Variants in ANO10 observed in about 807,000 individuals in gnomAD.
The protein encoded by ANO10 is anoctamin 10, also known as anoctamin-10.
ANO10 carries 77 observed loss-of-function variants against 74.7 expected under a neutral mutation model. The observed-to-expected ratio is 1.03, with a 90% CI of 0.86 to 1.25. The LOEUF (loss-of-function observed/expected upper bound fraction) is 1.25. ANO10 is among the 50% of genes most tolerant of loss of function. ANO10 has a pLI of 0.00. For synonymous variants in ANO10, 279 were observed against 284.9 expected, an observed-to-expected ratio of 0.98 and a Z score of 0.21; for missense variants, 721 against 778.1, an observed-to-expected ratio of 0.93 and a Z score of 0.87.
chr3:43,572,075 A>C (rs2080758114), intron 7 of ANO10, among the ~76,000 whole-genome samples: 1 of 152,196 alleles, frequency 6.6e-6, no homozygotes, highest in Admixed American at 6.5e-5. Context: ...GCACACCTTA[A>C]GTTCCCCCAC....
intron 11 of ANO10, among the ~76,000 whole-genome samples, chr3:43,508,943 T>TAAAAAAAAAAAAAAAAAAAAAAAAAA (rs35265220): frequency 9.5e-6 from 1 of 104,720 alleles, no homozygotes; most frequent in Non-Finnish European, 2.0e-5. Context: ...TAAAGTATAA[T>TAAAAAAAAAAAAAAAAAAAAAAAAAA]AAAAAAAAAA....
chr3:43,564,622 T>C (rs1414485669), intron 8 of ANO10, among the ~76,000 whole-genome samples: 1 of 152,198 alleles, frequency 6.6e-6, no homozygotes, highest in African/African-American at 2.4e-5. Context: ...TACACTGCTG[T>C]TGAATTAACT....
At chr3:43,578,749 CAAAAAAAAAAAAAAAAAA>C (rs56186109) in intron 5 of ANO10, among the ~76,000 whole-genome samples, 1 of 64,446 alleles carries the variant, frequency 1.6e-5, no homozygotes, top group Non-Finnish European at 3.0e-5. Context: ...GACTCCATCT[CAAAAAAAAAAAAAAAAAA>C]AAAAAAAAAA....
chr3:43,645,848 C>T (rs1015155075), intron 1 of ANO10, among the ~76,000 whole-genome samples: 2 of 152,084 alleles, frequency 1.3e-5, no homozygotes, highest in African/African-American at 4.8e-5. Context: ...GGGTCTGTCA[C>T]CCAGGTTGGA....
chr3:43,563,316 T>A (rs1465719499), intron 8 of ANO10, among the ~76,000 whole-genome samples: 1 of 151,398 alleles, frequency 6.6e-6, no homozygotes, highest in Admixed American at 6.6e-5. Context: ...ACCCAAAAAA[T>A]CCAGATGCTG....
At chr3:43,588,195 C>G (rs1395623770) in intron 4 of ANO10, among the ~76,000 whole-genome samples, 1 of 152,022 alleles carries the variant, frequency 6.6e-6, no homozygotes, top group African/African-American at 2.4e-5. Context: ...AATTAGCATG[C>G]CTTACAAGCT....
intron 11 of ANO10, among the ~76,000 whole-genome samples, chr3:43,516,349 C>A (rs1017310503): frequency 2.0e-5 from 3 of 151,986 alleles, no homozygotes; most frequent in African/African-American, 7.2e-5. Context: ...AAATTCCAGG[C>A]CAAAGAAAAC....
At chr3:43,513,039 C>T (rs1047936052) in intron 11 of ANO10, among the ~76,000 whole-genome samples, 3 of 152,220 alleles carry the variant, frequency 2.0e-5, no homozygotes, top group Non-Finnish European at 2.9e-5. Flanking sequence ...GAAGACAGAG[C>T]TGCAGAGCAA....
intron 11 of ANO10, among the ~76,000 whole-genome samples, chr3:43,478,395 T>C (rs1373150246): frequency 3.3e-5 from 5 of 152,226 alleles, no homozygotes; most frequent in African/African-American, 9.7e-5. Flanking sequence ...AAGTAGGGAC[T>C]TTAACCACCC....
intron 11 of ANO10, among the ~76,000 whole-genome samples, chr3:43,500,460 C>T (rs2077059805): frequency 6.6e-6 from 1 of 152,130 alleles, no homozygotes. Flanking sequence ...TTGCTGTTGC[C>T]AAATCACACT....
intron 1 of ANO10, among the ~76,000 whole-genome samples, chr3:43,606,617 GA>G (rs2082577990): frequency 6.6e-6 from 1 of 151,184 alleles, no homozygotes; most frequent in Non-Finnish European, 1.5e-5. Context: ...TAAATCTATA[GA>G]AGCAGACAAC....
intron 12 of ANO10, among the ~76,000 whole-genome samples, chr3:43,372,204 G>A (rs1233447294): frequency 1.3e-5 from 2 of 152,068 alleles, no homozygotes; most frequent in African/African-American, 4.8e-5. Context: ...GCCACCACCA[G>A]CCAGCATCTC....
chr3:43,612,159 TA>T (rs2082861414), intron 1 of ANO10, among the ~76,000 whole-genome samples: 1 of 121,444 alleles, frequency 8.2e-6, no homozygotes, highest in African/African-American at 3.2e-5. Context: ...TATATATATA[TA>T]TATATATATA....
chr3:43,580,278 CT>C, intron 5 of ANO10, 74 bp downstream of exon 5: 1 of 1,593,712 alleles, frequency 6.3e-7, no homozygotes, highest in Non-Finnish European at 8.6e-7. Flanking sequence ...CCCAAGGGAG[CT>C]GACTCCACTG....
intron 1 of ANO10, among the ~76,000 whole-genome samples, chr3:43,681,208 G>A (rs1051882179): frequency 4.0e-5 from 6 of 151,848 alleles, no homozygotes; most frequent in Admixed American, 6.6e-5. Flanking sequence ...GACACACATA[G>A]GCTCAAAATA....
intron 11 of ANO10, among the ~76,000 whole-genome samples, chr3:43,490,176 T>C (rs1266184812): frequency 6.6e-6 from 1 of 152,192 alleles, no homozygotes; most frequent in Non-Finnish European, 1.5e-5. Flanking sequence ...CAGCCAGGCT[T>C]TGACATTTAG....
At chr3:43,667,377 C>T (rs1319087099) in intron 1 of ANO10, among the ~76,000 whole-genome samples, 3 of 152,276 alleles carry the variant, frequency 2.0e-5, no homozygotes, top group Admixed American at 6.5e-5. Context: ...GCGTGGGCCA[C>T]TGCACCCAGC....
intron 8 of ANO10, among the ~76,000 whole-genome samples, chr3:43,564,259 C>T (rs1195648465): frequency 1.3e-5 from 2 of 152,054 alleles, no homozygotes; most frequent in Non-Finnish European, 2.9e-5. Context: ...GTCTTGAACT[C>T]CTGGGCTCAA....
intron 10 of ANO10, chr3:43,551,408 T>C: frequency 7.2e-6 from 3 of 414,166 alleles, no homozygotes; most frequent in South Asian, 5.2e-5. Flanking sequence ...AGTTATAATT[T>C]ACATATAATA....
Sources: allele counts gnomAD v4.1 joint callset (sites outside exome capture counted in the v4.1 genomes callset), GRCh38; gene constraint gnomAD v4.1.1; transcripts MANE v1.5; gene names NCBI Gene and HGNC (gene_info 2026-07-23, HGNC 2026-07-21).